The following MEIS1 variants were observed in gnomAD, a reference collection of about 807,000 sequenced individuals.
The protein encoded by MEIS1 is Meis homeobox 1, also known as homeobox protein Meis1.
Under a neutral mutation model 50.8 loss-of-function variants are expected in MEIS1, and 5 were observed. The ratio of observed to expected loss-of-function variants is 0.10; its 90% CI spans 0.05 to 0.21. The LOEUF (loss-of-function observed/expected upper bound fraction) is 0.21, where lower values mean the gene tolerates loss of function less well. Ranked by LOEUF, MEIS1 falls within the 10% of genes least tolerant of loss-of-function variation. The probability of loss-of-function intolerance (pLI) is 1.00; values close to 1 mark genes in which losing one functional copy is unlikely to be tolerated. For synonymous variants in MEIS1, 176 were observed against 179.3 expected (o/e 0.98, Z 0.15); for missense variants, 318 against 517.3 (o/e 0.61, Z 3.74).
chr2:66,554,470 G>A (rs975141997), intron 9 of MEIS1, among the ~76,000 whole-genome samples: 11 of 152,178 alleles, frequency 7.2e-5, no homozygotes, highest in Admixed American at 6.5e-4. Flanking sequence ...GCTTGGCTAC[G>A]CCTCATCCAT....
rs762032447 is a variant in MEIS1, at chr2:66,439,697, A to T, written c.240-146A>T. Reference sequence around the variant, plus strand: ...GTGAGCGGTCACCTGGGTCTGGGGGAGGGGGAGGAAAAGGAAAAAAGTAGA... The same window carrying T: ...GTGAGCGGTCACCTGGGTCTGGGGGTGGGGGAGGAAAAGGAAAAAAGTAGA... On this transcript the variant is annotated intron_variant, in intron 2 of 12. Coordinates refer to ENST00000272369, the MANE Select transcript of MEIS1 (RefSeq NM_002398.3). The T allele has an allele frequency of 3.9e-6, 6 of 1,543,208 alleles. No homozygotes were observed. The African/African-American group carries it at 8.2e-5, about 21-fold the overall frequency.
chr2:66,521,037 T>TA (rs1157331516), intron 8 of MEIS1, among the ~76,000 whole-genome samples: 1 of 152,260 alleles, frequency 6.6e-6, no homozygotes, highest in Non-Finnish European at 1.5e-5. Flanking sequence ...TAAAACTTCA[T>TA]AATGCAATCT....
intron 8 of MEIS1, among the ~76,000 whole-genome samples, chr2:66,542,231 TAGAA>T (rs1223124008): frequency 2.0e-5 from 3 of 152,140 alleles, no homozygotes; most frequent in Non-Finnish European, 4.4e-5. Flanking sequence ...AAAAACTCAG[TAGAA>T]GTTTTAAAAG....
chr2:66,495,627 G>T (rs973108460), intron 7 of MEIS1, among the ~76,000 whole-genome samples: 2 of 152,186 alleles, frequency 1.3e-5, no homozygotes, highest in African/African-American at 2.4e-5. Context: ...GAATGGCTGC[G>T]ATCTGGGGCC....
At chr2:66,549,784 C>T (rs921762397) in intron 9 of MEIS1, among the ~76,000 whole-genome samples, 2 of 152,110 alleles carry the variant, frequency 1.3e-5, no homozygotes, top group African/African-American at 4.8e-5. Context: ...ATCTCTCTTC[C>T]TCTGCAGGGT....
chr2:66,463,107 A>G (rs1672557302), intron 6 of MEIS1, among the ~76,000 whole-genome samples: 1 of 152,024 alleles, frequency 6.6e-6, no homozygotes, highest in South Asian at 2.1e-4. Context: ...CGCTAGGCAT[A>G]CTTAATGATA....
At chr2:66,521,261 G>A (rs1406624572) in intron 8 of MEIS1, among the ~76,000 whole-genome samples, 4 of 152,164 alleles carry the variant, frequency 2.6e-5, no homozygotes, top group African/African-American at 9.7e-5. Flanking sequence ...ACCCATGTCT[G>A]TTACCAACAA....
chr2:66,479,444 G>C (rs1489546247), intron 7 of MEIS1, among the ~76,000 whole-genome samples: 1 of 152,144 alleles, frequency 6.6e-6, no homozygotes, highest in Non-Finnish European at 1.5e-5. Context: ...CATTTGCATA[G>C]ATTGTTATAA....
At chr2:66,443,086 A>C in intron 6 of MEIS1, 38 bp downstream of exon 6, 3 of 1,555,764 alleles carry the variant, frequency 1.9e-6, no homozygotes, top group Non-Finnish European at 2.6e-6. Context: ...TGGGAAAAAA[A>C]AAAATCTGTA....
chr2:66,536,156 A>G (rs1674512246), intron 8 of MEIS1, among the ~76,000 whole-genome samples: 1 of 152,220 alleles, frequency 6.6e-6, no homozygotes. Flanking sequence ...AGTGATGTCT[A>G]GATAACACAT....
chr2:66,435,982 T>G, intron 1 of MEIS1, 114 bp downstream of exon 1: 2 of 908,036 alleles, frequency 2.2e-6, no homozygotes, highest in South Asian at 4.1e-5. Context: ...AAAATGAGGC[T>G]CCTAAAGCCG....
chr2:66,494,286 T>A (rs1003601707), intron 7 of MEIS1, among the ~76,000 whole-genome samples: 6 of 152,206 alleles, frequency 3.9e-5, no homozygotes, highest in Non-Finnish European at 7.3e-5. Context: ...TAAAGTTTTC[T>A]TATAATGAAT....
chr2:66,499,625 C>G (rs1397427724), intron 7 of MEIS1, among the ~76,000 whole-genome samples: 1 of 149,048 alleles, frequency 6.7e-6, no homozygotes, highest in African/African-American at 2.5e-5. Flanking sequence ...GTAGCCGAAT[C>G]ATAGTGCTCA....
rs1484706376 is a variant in MEIS1, at chr2:66,435,751, T to C, written c.-106T>C. ...AGGGATTTTTCGTCGTGCTTTTTTT[T>C]TTTTTTTTTTTTTTTTCCGGGGGAG... On this transcript the variant is annotated 5_prime_UTR_variant, in exon 1 of 13. Coordinates refer to ENST00000272369, the MANE Select transcript of MEIS1 (RefSeq NM_002398.3). 2 of 817,792 alleles carry C rather than the reference T, an allele frequency of 2.4e-6. No homozygotes were observed. Among genetic ancestry groups the C allele is most frequent in the East Asian group, 3.1e-5 (1 of 32,160 alleles). The allele number at this position is 817,792 out of a possible 1,614,324, so 50.7% of individuals were successfully genotyped here. A position where few individuals can be genotyped will look rare whatever the true frequency, so the allele number is the denominator to read the frequency against.
At chr2:66,548,057 TC>T (rs1674832765) in intron 9 of MEIS1, 38 bp downstream of exon 9, 2 of 1,598,594 alleles carry the variant, frequency 1.3e-6, no homozygotes, top group Non-Finnish European at 1.7e-6. Context: ...ACAATCTGTT[TC>T]CCCCTCTGGC....
chr2:66,488,912 C>G (rs771585251), intron 7 of MEIS1, among the ~76,000 whole-genome samples: 6 of 152,182 alleles, frequency 3.9e-5, no homozygotes, highest in African/African-American at 7.2e-5. Context: ...GAGGCATTCT[C>G]TCTTCCAAAT....
At chr2:66,512,350 T>A (rs1673850935) in intron 8 of MEIS1, 56 bp downstream of exon 8, 2 of 1,527,670 alleles carry the variant, frequency 1.3e-6, no homozygotes, top group African/African-American at 2.8e-5. Flanking sequence ...AACCAGTTTT[T>A]ATACAAAAAA....
chr2:66,541,379 G>T (rs555468737), intron 8 of MEIS1, among the ~76,000 whole-genome samples: 1 of 152,142 alleles, frequency 6.6e-6, no homozygotes, highest in African/African-American at 2.4e-5. Flanking sequence ...ATAAAACAAT[G>T]TCTTTACTAC....
intron 7 of MEIS1, among the ~76,000 whole-genome samples, chr2:66,473,400 ATAT>A (rs1672816193): frequency 7.9e-6 from 1 of 127,152 alleles, no homozygotes; most frequent in Non-Finnish European, 1.7e-5. Flanking sequence ...AAAAAAAAAT[ATAT>A]ATATATATAT....
Sources: allele counts gnomAD v4.1 joint callset (sites outside exome capture counted in the v4.1 genomes callset), GRCh38; gene constraint gnomAD v4.1.1; transcripts MANE v1.5; gene names NCBI Gene and HGNC (gene_info 2026-07-23, HGNC 2026-07-21).